Variants in ZNF141 observed in about 807,000 individuals in gnomAD.
ZNF141 encodes the protein zinc finger protein 141.
In ZNF141, 7 loss-of-function variants were observed where a neutral mutation model predicts 11.3. The observed-to-expected ratio is 0.62, with a 90% CI of 0.35 to 1.16. The LOEUF (loss-of-function observed/expected upper bound fraction) is 1.16. Ranked by LOEUF, ZNF141 falls within the 50% of genes most tolerant of loss-of-function variation. ZNF141 has a pLI of 0.02. For missense variants in ZNF141, 535 were observed against 554.0 expected (o/e 0.97, Z 0.34); for synonymous variants, 183 against 190.7 (o/e 0.96, Z 0.33).
chr4:381,396 T>A lies in ZNF141; in HGVS notation c.*7534T>A, dbSNP rs963372051. Reference sequence around the variant, plus strand: ...GTTACTATTTAATACAGACTTCAAATGTGCTTTTTTTTTTTTTTTTTTTTT... The same window carrying A: ...GTTACTATTTAATACAGACTTCAAAAGTGCTTTTTTTTTTTTTTTTTTTTT... On this transcript the variant is annotated 3_prime_UTR_variant, in exon 4 of 4. Coordinates refer to ENST00000240499, the MANE Select transcript of ZNF141 (RefSeq NM_003441.4). 4.2e-5 allele frequency among the ~76,000 whole-genome samples: 6 copies of A among 143,692 alleles called. No individual in the cohort carries two copies. The highest frequency in any genetic ancestry group is 9.0e-5 in the Non-Finnish European group (6 of 66,640). 94.3% of individuals were successfully genotyped at this position (143,692 alleles called of 152,430 possible).
chr4:360,644 T>C (rs1482709429), intron 3 of ZNF141, among the ~76,000 whole-genome samples: 1 of 152,196 alleles, frequency 6.6e-6, no homozygotes, highest in African/African-American at 2.4e-5. Context: ...ATTTGTATGG[T>C]AATTTTCAAC....
At position 343,848 on chromosome 4, in the gene ZNF141, G is replaced by C; in HGVS notation, c.70G>C (p.Asp24His). 1 of 1,611,126 alleles carries C rather than the reference G, an allele frequency of 6.2e-7. No homozygotes were observed. The highest frequency in any genetic ancestry group is 8.5e-7 in the Non-Finnish European group (1 of 1,179,280). Reference protein sequence around the residue: ...SPEEWKCLDPDQQNLYRDVML... With the variant: ...SPEEWKCLDPHQQNLYRDVML... ...AGAAGAGTGGAAATGCCTGGACCCT[G>C]ACCAGCAGAATTTGTATAGAGATGT... Residue 24 changes from aspartate (D) to histidine (H), a missense_variant, in exon 2 of 4, where the codon GAC (aspartate) becomes CAC (histidine). Physicochemically the swap from Asp to His is moderately conservative, Grantham distance 81. Coordinates refer to ENST00000240499, the MANE Select transcript of ZNF141 (RefSeq NM_003441.4).
chr4:343,864 A>G lies in ZNF141; in HGVS notation c.86A>G (p.Tyr29Cys), dbSNP rs1553848968. 1.9e-6 allele frequency: 3 copies of G among 1,610,608 alleles called. No homozygotes were observed. Among genetic ancestry groups the G allele is most frequent in the African/African-American group, 1.3e-5 (1 of 74,728 alleles). ...KCLDPDQQNL[Y>C]RDVMLENYRN... is the part of the protein sequence containing the mutation. ...CTGGACCCTGACCAGCAGAATTTGT[A>G]TAGAGATGTGATGTTGGAGAACTAC... is the stretch of plus-strand genomic sequence containing the variant. Residue 29 changes from tyrosine (Y) to cysteine (C), a missense_variant, in exon 2 of 4, where the codon TAT (tyrosine) becomes TGT (cysteine). Coordinates refer to ENST00000240499, the MANE Select transcript of ZNF141 (RefSeq NM_003441.4).
Position 380,780 on chromosome 4 carries a change from C to G in ZNF141, c.*6918C>G, listed in dbSNP as rs1237793080. On this transcript the variant is annotated 3_prime_UTR_variant, in exon 4 of 4. Coordinates refer to ENST00000240499, the MANE Select transcript of ZNF141 (RefSeq NM_003441.4). ...GCTCACAACACAGGCAACTTTGACT[C>G]TAGAGATAACACTTATTACAGTAAA... Among the ~76,000 whole-genome samples the G allele has an allele frequency of 6.6e-6, 1 of 152,120 alleles. No homozygotes were observed. The highest frequency in any genetic ancestry group is 2.4e-5 in the African/African-American group (1 of 41,428).
chr4:356,730 A>T (rs1256596433), intron 3 of ZNF141, among the ~76,000 whole-genome samples: 1 of 152,190 alleles, frequency 6.6e-6, no homozygotes, highest in Non-Finnish European at 1.5e-5. Context: ...ATTTAAATGA[A>T]TTACCGATTG....
chr4:344,687 G>T (rs748450871), intron 3 of ZNF141, among the ~76,000 whole-genome samples: 2 of 152,084 alleles, frequency 1.3e-5, no homozygotes, highest in Admixed American at 6.6e-5. Flanking sequence ...CCAGCTACTC[G>T]GGAGGCTGAA....
intron 3 of ZNF141, among the ~76,000 whole-genome samples, chr4:369,030 C>T (rs55783692): frequency 6.6e-6 from 1 of 151,876 alleles, no homozygotes; most frequent in Non-Finnish European, 1.5e-5. Flanking sequence ...TATGAATATT[C>T]TGTCTTGTTT....
chr4:345,573 A>G (rs1204810631), intron 3 of ZNF141, among the ~76,000 whole-genome samples: 1 of 152,024 alleles, frequency 6.6e-6, no homozygotes, highest in Non-Finnish European at 1.5e-5. Context: ...TACTAAAAAT[A>G]CAAAATTAGC....
chr4:350,139 A>C (rs782496547), intron 3 of ZNF141: 2 of 534,584 alleles, frequency 3.7e-6, no homozygotes, highest in South Asian at 2.8e-5. Flanking sequence ...GAGAGAGGTT[A>C]CAGAACTGCT....
chr4:376,812 A>G lies in ZNF141; in HGVS notation c.*2950A>G, dbSNP rs151200020. Reference sequence around the variant, plus strand: ...AATTTACTGGAAATCTAGAAGCCTGAAACATTCTATATTTTCTTCTTTTTA... The same window carrying G: ...AATTTACTGGAAATCTAGAAGCCTGGAACATTCTATATTTTCTTCTTTTTA... On this transcript the variant is annotated 3_prime_UTR_variant, in exon 4 of 4. Transcript: ENST00000240499. Among the ~76,000 whole-genome samples the G allele has an allele frequency of 9.9e-5, 15 of 152,216 alleles. No individual in the cohort carries two copies. Among genetic ancestry groups the G allele is most frequent in the African/African-American group, 3.6e-4 (15 of 41,564 alleles).
intron 3 of ZNF141, among the ~76,000 whole-genome samples, chr4:366,022 T>G (rs1560194801): frequency 6.6e-6 from 1 of 152,246 alleles, no homozygotes; most frequent in Non-Finnish European, 1.5e-5. Context: ...CATGTTGTTT[T>G]GCTTATTATA....
At chr4:340,142 G>A (rs1720979640) in intron 1 of ZNF141, among the ~76,000 whole-genome samples, 1 of 152,170 alleles carries the variant, frequency 6.6e-6, no homozygotes, top group Non-Finnish European at 1.5e-5. Flanking sequence ...AGATGATTTT[G>A]CTGTTATATT....
At chr4:368,753 C>T (rs2108723171) in intron 3 of ZNF141, among the ~76,000 whole-genome samples, 1 of 152,216 alleles carries the variant, frequency 6.6e-6, no homozygotes, top group South Asian at 2.1e-4. Context: ...ATACTCATAC[C>T]AAATTGCTTT....
At chr4:365,665 T>A (rs1479847954) in intron 3 of ZNF141, among the ~76,000 whole-genome samples, 1 of 152,248 alleles carries the variant, frequency 6.6e-6, no homozygotes, top group African/African-American at 2.4e-5. Flanking sequence ...ATTTGCATAA[T>A]GTTACTTCTT....
intron 3 of ZNF141, among the ~76,000 whole-genome samples, chr4:372,347 A>G (rs1712109597): frequency 2.6e-5 from 4 of 152,214 alleles, no homozygotes; most frequent in Admixed American, 2.6e-4. Context: ...CTTCACTCCT[A>G]ATGGCACAGT....
intron 3 of ZNF141, among the ~76,000 whole-genome samples, chr4:368,216 A>G (rs1711841783): frequency 6.6e-6 from 1 of 152,144 alleles, no homozygotes. Context: ...TGCTTTTTAT[A>G]AACAGTAATG....
intron 3 of ZNF141, chr4:350,368 C>A (rs1721538571): frequency 2.8e-6 from 1 of 353,788 alleles, no homozygotes; most frequent in Non-Finnish European, 5.9e-6. Flanking sequence ...AAAATGGAAT[C>A]ATGCATTGTC....
chr4:367,262 A>G (rs1448828464), intron 3 of ZNF141, among the ~76,000 whole-genome samples: 1 of 152,218 alleles, frequency 6.6e-6, no homozygotes, highest in Non-Finnish European at 1.5e-5. Flanking sequence ...TCTATTTCCA[A>G]TATGAGTCTA....
chr4:340,104 A>T (rs547566758), intron 1 of ZNF141, among the ~76,000 whole-genome samples: 99 of 152,270 alleles, frequency 6.5e-4, no homozygotes, highest in Non-Finnish European at 1.2e-3. Context: ...TTGCTGTTCT[A>T]TTATTTTGGA....
Sources: allele counts gnomAD v4.1 joint callset (sites outside exome capture counted in the v4.1 genomes callset), GRCh38; gene constraint gnomAD v4.1.1; transcripts MANE v1.5; gene names NCBI Gene and HGNC (gene_info 2026-07-23, HGNC 2026-07-21).